UNC13C: variants seen among roughly 807,000 people sequenced by gnomAD.
UNC13C encodes the protein unc-13 homolog C.
In UNC13C, 174 loss-of-function variants were observed where a neutral mutation model predicts 245.4. The observed-to-expected ratio is 0.71, with a 90% confidence interval of 0.63 to 0.80. UNC13C has a LOEUF of 0.80. Ranked by LOEUF, UNC13C falls within the 30% of genes least tolerant of loss-of-function variation. The probability of loss-of-function intolerance (pLI) is 0.00; values close to 1 mark genes in which losing one functional copy is unlikely to be tolerated. For missense variants in UNC13C, 2,829 were observed against 2,602.9 expected, an observed-to-expected ratio of 1.09 and a Z score of -1.89; for synonymous variants, 992 against 895.1, an observed-to-expected ratio of 1.11 and a Z score of -1.93.
At chr15:54,082,275 G>A (rs890333375) in intron 2 of UNC13C, among the ~76,000 whole-genome samples, 3 of 152,134 alleles carry the variant, frequency 2.0e-5, no homozygotes, top group Non-Finnish European at 2.9e-5. Flanking sequence ...ATAGTATCTC[G>A]CAGGTGTTCT....
At chr15:54,121,728 T>C (rs570398032) in intron 2 of UNC13C, among the ~76,000 whole-genome samples, 1 of 152,204 alleles carries the variant, frequency 6.6e-6, no homozygotes, top group East Asian at 1.9e-4. Context: ...TGTCTTTATA[T>C]ATTAATTTTT....
intron 30 of UNC13C, among the ~76,000 whole-genome samples, chr15:54,606,779 A>G (rs1899789660): frequency 1.3e-5 from 2 of 152,214 alleles, no homozygotes; most frequent in African/African-American, 4.8e-5. Flanking sequence ...TGTGGTGTCA[A>G]ACCCTCTGCT....
intron 4 of UNC13C, among the ~76,000 whole-genome samples, chr15:54,220,427 C>A (rs1486095634): frequency 3.0e-5 from 4 of 132,650 alleles, no homozygotes; most frequent in Admixed American, 8.4e-5. Flanking sequence ...AGGGGAACAT[C>A]ACACTCTGGG....
rs191438855 is a variant in UNC13C at position 54,350,701 on chromosome 15, C to T, written c.4713+12212C>T. 1.9e-3 allele frequency among the ~76,000 whole-genome samples: 293 copies of T among 152,246 alleles called. 3 individuals are homozygous for T. The highest frequency in any genetic ancestry group is 6.6e-3 in the African/African-American group (275 of 41,536). ...ACTCTTTCTGCCCCACGTGGCCATA[C>T]ACGAAATTGAAATGGCGACCTCTGA... On this transcript the variant is annotated intron_variant, in intron 17 of 32. Transcript: ENST00000260323.
chr15:54,569,092 C>T (rs536940908), intron 30 of UNC13C, among the ~76,000 whole-genome samples: 45 of 152,208 alleles, frequency 3.0e-4, no homozygotes, highest in East Asian at 5.8e-4. Context: ...TTTATAAATA[C>T]GAATACAATT....
chr15:54,545,920 C>T (rs191043677), intron 26 of UNC13C, among the ~76,000 whole-genome samples: 1 of 152,092 alleles, frequency 6.6e-6, no homozygotes, highest in Non-Finnish European at 1.5e-5. Context: ...GGCGATTCCT[C>T]AAGGATCTAG....
chr15:54,412,514 G>GTTATATGTATTCAGACAACAT (rs1434327005), intron 18 of UNC13C, among the ~76,000 whole-genome samples: 1 of 152,154 alleles, frequency 6.6e-6, no homozygotes, highest in African/African-American at 2.4e-5. Flanking sequence ...AGTTTGAGAT[G>GTTATATGTATTCAGACAACAT]GGATTTGGGT....
chr15:54,234,957 A>G, intron 4 of UNC13C, 73 bp from the exon 5 acceptor site: 1 of 1,333,184 alleles, frequency 7.5e-7, no homozygotes, highest in East Asian at 2.3e-5. Context: ...ACTTTATACC[A>G]TGAACAGTGG....
intron 4 of UNC13C, among the ~76,000 whole-genome samples, chr15:54,181,713 A>G (rs902309761): frequency 6.6e-6 from 1 of 151,830 alleles, no homozygotes; most frequent in Admixed American, 6.6e-5. Flanking sequence ...TGTTTCACCT[A>G]TAATTTCTTT....
intron 2 of UNC13C, chr15:54,050,752 C>A: frequency 1.7e-6 from 1 of 580,270 alleles, no homozygotes. Context: ...CACTAGTGAA[C>A]AAGTTCCTCT....
intron 4 of UNC13C, among the ~76,000 whole-genome samples, chr15:54,204,600 A>G (rs1177967103): frequency 1.3e-5 from 2 of 152,050 alleles, no homozygotes; most frequent in Non-Finnish European, 2.9e-5. Context: ...AATTGTTTTT[A>G]TTCACTCAAG....
chr15:54,192,013 G>A (rs2034201038), intron 4 of UNC13C, among the ~76,000 whole-genome samples: 1 of 152,070 alleles, frequency 6.6e-6, no homozygotes, highest in Non-Finnish European at 1.5e-5. Flanking sequence ...TATCCACTCT[G>A]ATGAAGCTGT....
intron 4 of UNC13C, among the ~76,000 whole-genome samples, chr15:54,166,680 C>G (rs374571884): frequency 2.0e-5 from 3 of 152,126 alleles, no homozygotes; most frequent in African/African-American, 7.2e-5. Context: ...GTTAATATAT[C>G]AAAATCAATT....
the UNC13C span, among the ~76,000 whole-genome samples, chr15:53,924,011 A>T: frequency 1.3e-5 from 2 of 152,164 alleles, no homozygotes; most frequent in Non-Finnish European, 2.9e-5. Context: ...GTTCGGGACC[A>T]GCCTAACATG....
intron 2 of UNC13C, among the ~76,000 whole-genome samples, chr15:54,122,602 C>T (rs1186287471): frequency 2.0e-5 from 3 of 151,920 alleles, no homozygotes; most frequent in Non-Finnish European, 4.4e-5. Flanking sequence ...AAATTAATCA[C>T]CACAGAATGT....
At chr15:54,224,081 A>C (rs2035305231) in intron 4 of UNC13C, among the ~76,000 whole-genome samples, 1 of 152,068 alleles carries the variant, frequency 6.6e-6, no homozygotes, top group Non-Finnish European at 1.5e-5. Context: ...ATCATGTGCA[A>C]ACGAAGATAA....
chr15:53,965,249 A>G, the UNC13C span, among the ~76,000 whole-genome samples: 2 of 152,096 alleles, frequency 1.3e-5, no homozygotes, highest in Admixed American at 6.6e-5. Flanking sequence ...GTGATTATCA[A>G]CCCATGACCC....
chr15:54,074,872 T>C (rs966218400), intron 2 of UNC13C, among the ~76,000 whole-genome samples: 5 of 151,616 alleles, frequency 3.3e-5, no homozygotes, highest in Admixed American at 3.3e-4. Context: ...TTTATTTCTT[T>C]ATCTTGCCTG....
At chr15:53,991,580 C>T (rs1894390822) in intron 1 of UNC13C, among the ~76,000 whole-genome samples, 1 of 151,904 alleles carries the variant, frequency 6.6e-6, no homozygotes, top group African/African-American at 2.4e-5. Flanking sequence ...CTGTCCTCAA[C>T]CTTCTAATCA....
Sources: allele counts gnomAD v4.1 joint callset (sites outside exome capture counted in the v4.1 genomes callset), GRCh38; gene constraint gnomAD v4.1.1; transcripts MANE v1.5; gene names NCBI Gene and HGNC (gene_info 2026-07-23, HGNC 2026-07-21).